Variants in DNAI1 observed in about 807,000 individuals in gnomAD.
DNAI1 encodes dynein axonemal intermediate chain 1.
A neutral mutation model predicts 92.0 loss-of-function variants in DNAI1; 67 were observed. The ratio of observed to expected loss-of-function variants is 0.73; its 90% CI spans 0.60 to 0.89. The LOEUF is 0.89. Ranked by LOEUF, DNAI1 falls within the 40% of genes least tolerant of loss-of-function variation. The probability of loss-of-function intolerance (pLI) is 0.00; values close to 1 mark genes in which losing one functional copy is unlikely to be tolerated. For synonymous variants in DNAI1, 323 were observed against 319.6 expected (o/e 1.01, Z -0.11); for missense variants, 839 against 866.6 (o/e 0.97, Z 0.40).
At chr9:34,470,950 T>C (rs1453552300) in intron 1 of DNAI1, among the ~76,000 whole-genome samples, 1 of 152,172 alleles carries the variant, frequency 6.6e-6, no homozygotes, top group Non-Finnish European at 1.5e-5. Context: ...AAAATAGAAG[T>C]AAATAATATC....
chr9:34,486,570 C>A (rs1280108948), intron 4 of DNAI1, among the ~76,000 whole-genome samples: 1 of 152,140 alleles, frequency 6.6e-6, no homozygotes, highest in Non-Finnish European at 1.5e-5. Flanking sequence ...CTCTCCCCGT[C>A]CTCTTTCCTG....
At chr9:34,494,569 G>T (rs978551850) in intron 9 of DNAI1, among the ~76,000 whole-genome samples, 2 of 152,150 alleles carry the variant, frequency 1.3e-5, no homozygotes, top group Admixed American at 1.3e-4. Context: ...TGGGACCCAT[G>T]GTTGCAGAAA....
intron 1 of DNAI1, among the ~76,000 whole-genome samples, chr9:34,472,359 C>CTTA (rs1824153890): frequency 6.6e-6 from 1 of 152,214 alleles, no homozygotes; most frequent in African/African-American, 2.4e-5. Flanking sequence ...CCAGCAAAGG[C>CTTA]TTACTCTAGA....
intron 12 of DNAI1, among the ~76,000 whole-genome samples, chr9:34,503,003 T>C (rs2132073995): frequency 6.6e-6 from 1 of 152,268 alleles, no homozygotes; most frequent in South Asian, 2.1e-4. Context: ...TGTCTGTCAT[T>C]CTTTCTCGTA....
intron 1 of DNAI1, among the ~76,000 whole-genome samples, chr9:34,472,770 T>C (rs754512758): frequency 6.6e-6 from 1 of 152,014 alleles, no homozygotes; most frequent in Non-Finnish European, 1.5e-5. Context: ...GGCCTGTTGG[T>C]ACATGCCTGT....
Position 34,513,095 on chromosome 9 carries a change from C to T in DNAI1, c.1490-17C>T, listed in dbSNP as rs1825101665. ...TCTTGGAACTGGGCTAAGCCTGCCCCTCCCTCTTTTCCCAAGGTTGTGGCA... is the reference window on the plus strand; with the variant it reads ...TCTTGGAACTGGGCTAAGCCTGCCCTTCCCTCTTTTCCCAAGGTTGTGGCA... On this transcript the variant is annotated splice_polypyrimidine_tract_variant and intron_variant, in intron 15 of 19. Coordinates refer to ENST00000242317, the MANE Select transcript of DNAI1 (RefSeq NM_012144.4). 3 of 1,612,002 alleles carry T rather than the reference C, an allele frequency of 1.9e-6. No individual in the cohort carries two copies. The highest frequency in any genetic ancestry group is 1.7e-4 in the Middle Eastern group (1 of 5,974).
At chr9:34,504,424 C>T (rs924814928) in intron 12 of DNAI1, among the ~76,000 whole-genome samples, 7 of 152,198 alleles carry the variant, frequency 4.6e-5, no homozygotes, top group Non-Finnish European at 8.8e-5. Flanking sequence ...CATCACTCCT[C>T]GGCTGCGGGC....
chr9:34,516,968 T>C (rs1201484951), intron 18 of DNAI1, among the ~76,000 whole-genome samples: 1 of 152,100 alleles, frequency 6.6e-6, no homozygotes, highest in African/African-American at 2.4e-5. Flanking sequence ...CTCAAACTCC[T>C]GACCTCAAGT....
chr9:34,478,023 G>A (rs1020711045), intron 1 of DNAI1, among the ~76,000 whole-genome samples: 6 of 141,702 alleles, frequency 4.2e-5, no homozygotes, highest in African/African-American at 5.3e-5. Context: ...AATAGCTGAC[G>A]TTACAGGCGT....
At chr9:34,492,001 T>C (rs1041293977) in intron 8 of DNAI1, among the ~76,000 whole-genome samples, 5 of 152,126 alleles carry the variant, frequency 3.3e-5, no homozygotes, top group Admixed American at 1.3e-4. Flanking sequence ...GCCACACTTA[T>C]TTGAACAGGA....
chr9:34,483,180 C>T (rs1265554049), intron 1 of DNAI1, among the ~76,000 whole-genome samples: 1 of 152,218 alleles, frequency 6.6e-6, no homozygotes, highest in Non-Finnish European at 1.5e-5. Flanking sequence ...TCCCTGCAAG[C>T]TGAGGGAGTG....
chr9:34,484,069 G>A (rs1014511667), intron 2 of DNAI1, among the ~76,000 whole-genome samples: 12 of 152,116 alleles, frequency 7.9e-5, no homozygotes, highest in Non-Finnish European at 1.5e-4. Context: ...ACAAAGATTT[G>A]CTAGGCATGG....
chr9:34,491,613 AT>A, intron 8 of DNAI1, 59 bp downstream of exon 8: 2 of 1,586,186 alleles, frequency 1.3e-6, no homozygotes, highest in Non-Finnish European at 1.7e-6. Flanking sequence ...TCCTTTCCTC[AT>A]TTAGCAGCAA....
At chr9:34,489,499 A>ATTCTG in intron 5 of DNAI1, 50 bp downstream of exon 5, 1 of 1,607,662 alleles carries the variant, frequency 6.2e-7, no homozygotes, top group Non-Finnish European at 8.5e-7. Context: ...TGTTCCCCTT[A>ATTCTG]TTCTGGTCAC....
intron 13 of DNAI1, among the ~76,000 whole-genome samples, chr9:34,509,356 T>C (rs900010691): frequency 1.5e-4 from 23 of 151,844 alleles, no homozygotes; most frequent in Non-Finnish European, 3.1e-4. Context: ...CCTGCACTTA[T>C]CTATTAAGTT....
chr9:34,513,272 A>G (rs1825109014), intron 16 of DNAI1, 81 bp downstream of exon 16: 1 of 1,074,378 alleles, frequency 9.3e-7, no homozygotes, highest in Non-Finnish European at 1.5e-6. Context: ...AACAGATCCT[A>G]TTTTGATGGA....
Position 34,520,691 on chromosome 9 carries a change from G to C in DNAI1, c.2035G>C (p.Ala679Pro), listed in dbSNP as rs111887810. Residue 679 changes from alanine to proline, a missense_variant, in exon 20 of 20, where the codon GCT (alanine) becomes CCT (proline). Coordinates refer to ENST00000242317, the MANE Select transcript of DNAI1 (RefSeq NM_012144.4). Reference protein sequence around the residue: ...KKGQEVQKGPAVEIAKLDKLL... With the variant: ...KKGQEVQKGPPVEIAKLDKLL... ...GGGGCAGGAGGTGCAGAAGGGTCCAGCTGTGGAGATTGCGAAACTGGACAA... is the reference window on the plus strand; with the variant it reads ...GGGGCAGGAGGTGCAGAAGGGTCCACCTGTGGAGATTGCGAAACTGGACAA... The C allele has an allele frequency of 5.2e-6, 8 of 1,551,682 alleles. No individual in the cohort carries two copies. The highest frequency in any genetic ancestry group is 2.7e-5 in the African/African-American group (2 of 73,126).
intron 1 of DNAI1, among the ~76,000 whole-genome samples, chr9:34,478,414 A>G (rs1824279202): frequency 6.6e-6 from 1 of 152,136 alleles, no homozygotes; most frequent in Admixed American, 6.5e-5. Context: ...TTCAAGAAGG[A>G]GGGAGGGAGC....
chr9:34,512,585 T>C (rs1225002065), intron 15 of DNAI1, among the ~76,000 whole-genome samples, 161 bp downstream of exon 15: 1 of 152,212 alleles, frequency 6.6e-6, no homozygotes, highest in Non-Finnish European at 1.5e-5. Context: ...TGCTGAACCC[T>C]TGGCTGTTTG....
Sources: gnomAD v4.1 joint callset for allele counts (sites outside exome capture counted in the v4.1 genomes callset) on GRCh38, gnomAD v4.1.1 for gene constraint, MANE v1.5 for transcripts, NCBI Gene and HGNC (gene_info 2026-07-23, HGNC 2026-07-21) for gene names.